The following CSE1L variants were observed in gnomAD, a reference collection of about 807,000 sequenced individuals.
CSE1L encodes chromosome segregation 1 like, also known as exportin-2.
In CSE1L, 24 loss-of-function variants were observed where a neutral mutation model predicts 120.4. The ratio of observed to expected loss-of-function variants is 0.20; its 90% CI spans 0.14 to 0.28. The LOEUF (loss-of-function observed/expected upper bound fraction) is 0.28. Ranked by LOEUF, CSE1L falls within the 10% of genes least tolerant of loss-of-function variation. The pLI, the probability that CSE1L is intolerant of heterozygous loss-of-function variation, is 1.00. For missense variants in CSE1L, 830 were observed against 1,145.2 expected, an observed-to-expected ratio of 0.72 and a Z score of 3.97; for synonymous variants, 402 against 398.3, an observed-to-expected ratio of 1.01 and a Z score of -0.11.
intron 1 of CSE1L, among the ~76,000 whole-genome samples, chr20:49,051,274 G>A (rs576600524): frequency 2.0e-5 from 3 of 152,180 alleles, no homozygotes; most frequent in African/African-American, 7.2e-5. Context: ...GGCCGGGCAC[G>A]GTGGCTCATG....
intron 10 of CSE1L, 124 bp from the exon 11 acceptor site, chr20:49,074,661 C>A: frequency 1.6e-6 from 1 of 636,554 alleles, no homozygotes; most frequent in Non-Finnish European, 2.7e-6. Context: ...ATGAAGTAGT[C>A]ATCTGATGGG....
At chr20:49,076,107 A>T (rs2091966287) in intron 12 of CSE1L, among the ~76,000 whole-genome samples, 1 of 151,824 alleles carries the variant, frequency 6.6e-6, no homozygotes, top group Admixed American at 6.6e-5. Flanking sequence ...GCTGGGATAC[A>T]GGTGTGAGTC....
At chr20:49,095,261 GTT>G (rs1396767927) in intron 24 of CSE1L, 8 of 357,994 alleles carry the variant, frequency 2.2e-5, no homozygotes, top group African/African-American at 1.5e-4. Flanking sequence ...TATAATAAGA[GTT>G]TATTTCCCAG....
intron 6 of CSE1L, among the ~76,000 whole-genome samples, chr20:49,068,029 ACAG>A (rs1007851993): frequency 1.4e-5 from 2 of 139,218 alleles, no homozygotes; most frequent in Non-Finnish European, 3.0e-5. Flanking sequence ...CACTGGGATT[ACAG>A]CCTGTGCCAC....
chr20:49,058,161 T>C (rs2091824009), intron 1 of CSE1L, among the ~76,000 whole-genome samples: 1 of 152,184 alleles, frequency 6.6e-6, no homozygotes, highest in Non-Finnish European at 1.5e-5. Flanking sequence ...TCATATAAAC[T>C]TCTTGGTGAC....
rs1460776117 is a variant in CSE1L at position 49,069,203 on chromosome 20, T to A, written c.675+381T>A. On this transcript the variant is annotated intron_variant, in intron 7 of 24. Transcript: ENST00000262982. Reference sequence around the variant, plus strand: ...TTTTGGTTAGGGGTTGCTGTCCAGCTTATACAAAATGACTTTTATTGGAAG... The same window carrying A: ...TTTTGGTTAGGGGTTGCTGTCCAGCATATACAAAATGACTTTTATTGGAAG... Among the ~76,000 whole-genome samples, 5 of 152,286 alleles carry A rather than the reference T, an allele frequency of 3.3e-5. No homozygotes were observed. The East Asian group carries it at 9.6e-4, about 29-fold the overall frequency.
intron 1 of CSE1L, among the ~76,000 whole-genome samples, chr20:49,052,715 A>G (rs531549625): frequency 1.3e-5 from 2 of 152,168 alleles, no homozygotes; most frequent in African/African-American, 4.8e-5. Flanking sequence ...AGCAGTCTCA[A>G]TTTGCTGGAT....
chr20:49,074,176 AGTGTGTGTGTGTGT>A lies in CSE1L; in HGVS notation c.1067-580_1067-567del, dbSNP rs71184254. 1.4e-3 allele frequency among the ~76,000 whole-genome samples: 161 copies of A among 115,456 alleles called. 2 individuals are homozygous for A. The Middle Eastern group carries it at 0.019, about 14-fold the overall frequency. The allele number at this position is 115,456 out of a possible 152,430, so 75.7% of individuals were successfully genotyped here. ...CAGTGAGACATGATCATACAACTGC[AGTGTGTGTGTGTGT>A]GTGTGTGTGTGTGTGTGTGTGTGTG... On this transcript the variant is annotated intron_variant, in intron 10 of 24. Coordinates refer to ENST00000262982, the MANE Select transcript of CSE1L (RefSeq NM_001316.4).
At chr20:49,051,008 G>A (rs914701743) in intron 1 of CSE1L, among the ~76,000 whole-genome samples, 1 of 152,144 alleles carries the variant, frequency 6.6e-6, no homozygotes, top group African/African-American at 2.4e-5. Flanking sequence ...ATATATAACG[G>A]GTGCTCATCA....
intron 21 of CSE1L, 67 bp downstream of exon 21, chr20:49,091,089 A>G: frequency 9.6e-7 from 1 of 1,042,010 alleles, no homozygotes; most frequent in Non-Finnish European, 1.5e-6. Context: ...CTTAGACTTT[A>G]TGGTTGCAGA....
intron 21 of CSE1L, 79 bp from the exon 22 acceptor site, chr20:49,091,967 G>C (rs1301460324): frequency 1.3e-6 from 1 of 752,920 alleles, no homozygotes; most frequent in Non-Finnish European, 2.3e-6. Context: ...ATTAAGCATA[G>C]GTTTATTTTG....
chr20:49,067,093 C>A, intron 5 of CSE1L, 97 bp from the exon 6 acceptor site: 32 of 421,634 alleles, frequency 7.6e-5, no homozygotes, highest in Middle Eastern at 4.3e-4. Flanking sequence ...GGAAACCCAT[C>A]TATTCATAGA....
At chr20:49,048,503 G>A (rs1209453814) in intron 1 of CSE1L, among the ~76,000 whole-genome samples, 8 of 152,168 alleles carry the variant, frequency 5.3e-5, no homozygotes, top group Non-Finnish European at 1.2e-4. Context: ...AGAATTATGT[G>A]ACAGGTGAAG....
In CSE1L at chr20:49,067,211, A is replaced by C. The variant is rs771469575; in HGVS notation, c.498A>C (p.Ser166=). 3 of 1,609,690 alleles carry C rather than the reference A, an allele frequency of 1.9e-6. No individual in the cohort carries two copies. In the South Asian group the frequency reaches 3.3e-5, roughly 18 times the overall value. ...LFKRYRHEFK[S]NELWTEIKLV... ...CTAGATACCGTCATGAATTTAAGTC[A>C]AACGAGTTATGGACTGAAATTAAGC... Residue 166 remains serine, a synonymous_variant, in exon 6 of 25, where the codon TCA becomes TCC. Transcript: ENST00000262982.
At chr20:49,079,351 C>A (rs1159553604) in intron 14 of CSE1L, among the ~76,000 whole-genome samples, 1 of 152,072 alleles carries the variant, frequency 6.6e-6, no homozygotes, top group Admixed American at 6.6e-5. Context: ...CTCGGCCTCC[C>A]TAGTAGCTGG....
At chr20:49,077,754 C>A (rs1456997132) in intron 13 of CSE1L, among the ~76,000 whole-genome samples, 1 of 151,930 alleles carries the variant, frequency 6.6e-6, no homozygotes, top group Non-Finnish European at 1.5e-5. Flanking sequence ...ACCTGTAATC[C>A]CAGCACTTTG....
chr20:49,052,465 G>A (rs886885948), intron 1 of CSE1L, among the ~76,000 whole-genome samples: 3 of 152,202 alleles, frequency 2.0e-5, no homozygotes, highest in African/African-American at 7.2e-5. Context: ...CAAATTAGAG[G>A]ATGAGCATTA....
chr20:49,054,370 C>T (rs1259145380), intron 1 of CSE1L, among the ~76,000 whole-genome samples: 1 of 152,190 alleles, frequency 6.6e-6, no homozygotes, highest in East Asian at 1.9e-4. Flanking sequence ...CTCCCCACCG[C>T]TCAGTTGTCC....
intron 17 of CSE1L, among the ~76,000 whole-genome samples, chr20:49,088,915 G>GTAGACA (rs1263544002): frequency 6.6e-6 from 1 of 152,182 alleles, no homozygotes; most frequent in Non-Finnish European, 1.5e-5. Flanking sequence ...TTATCAGTAA[G>GTAGACA]TAGACATAGA....
Sources: gnomAD v4.1 joint callset for allele counts (sites outside exome capture counted in the v4.1 genomes callset) on GRCh38, gnomAD v4.1.1 for gene constraint, MANE v1.5 for transcripts, NCBI Gene and HGNC (gene_info 2026-07-23, HGNC 2026-07-21) for gene names.